Variants in ODAD2 observed in about 807,000 individuals in gnomAD.
The protein encoded by ODAD2 is outer dynein arm-docking complex subunit 2.
In ODAD2, 89 loss-of-function variants were observed where a neutral mutation model predicts 106.8. That is an observed-to-expected ratio of 0.83 (90% CI 0.70 to 0.99). The LOEUF (loss-of-function observed/expected upper bound fraction) is 0.99, where lower values mean the gene tolerates loss of function less well. ODAD2 is among the 50% of genes least tolerant of loss of function. The pLI is 0.00. For missense variants in ODAD2, 1,168 were observed against 1,238.5 expected (o/e 0.94, Z 0.85); for synonymous variants, 404 against 436.2 (o/e 0.93, Z 0.92).
intron 17 of ODAD2, among the ~76,000 whole-genome samples, chr10:27,888,216 T>C (rs1387214914): frequency 1.3e-5 from 2 of 152,138 alleles, no homozygotes; most frequent in Admixed American, 6.6e-5. Context: ...GTTCTATTTT[T>C]AGTTCTTTGA....
chr10:27,984,378 A>C (rs1254733633), intron 4 of ODAD2, 88 bp from the exon 5 acceptor site: 2 of 911,516 alleles, frequency 2.2e-6, no homozygotes, highest in East Asian at 4.9e-5. Flanking sequence ...CAGGAGAAAT[A>C]TCTTTTTTGT....
chr10:27,853,967 C>T (rs148005347), intron 19 of ODAD2, among the ~76,000 whole-genome samples: 21 of 152,118 alleles, frequency 1.4e-4, no homozygotes, highest in African/African-American at 3.9e-4. Context: ...TAGCTACAGA[C>T]GGGGAGAAAA....
At chr10:27,901,545 G>A (rs900553083) in intron 17 of ODAD2, among the ~76,000 whole-genome samples, 16 of 152,022 alleles carry the variant, frequency 1.1e-4, no homozygotes, top group East Asian at 5.8e-4. Context: ...AAGACCCACC[G>A]GTGTGCTGTA....
intron 19 of ODAD2, among the ~76,000 whole-genome samples, chr10:27,831,737 G>A (rs1012586053): frequency 6.6e-6 from 1 of 152,244 alleles, no homozygotes; most frequent in Non-Finnish European, 1.5e-5. Flanking sequence ...CTGAGGCATA[G>A]CTGGTCCTCT....
chr10:27,948,488 T>C (rs1273470843), intron 10 of ODAD2, among the ~76,000 whole-genome samples: 1 of 152,194 alleles, frequency 6.6e-6, no homozygotes. Flanking sequence ...CCAGATGCCA[T>C]AAATATCGAA....
intron 10 of ODAD2, among the ~76,000 whole-genome samples, chr10:27,959,235 A>G (rs1397526375): frequency 2.0e-3 from 100 of 51,228 alleles, no homozygotes; most frequent in Middle Eastern, 8.3e-3. Flanking sequence ...AGGGGAGGCG[A>G]GGAGGGGAGG....
At chr10:27,877,156 T>C (rs2133517755) in intron 17 of ODAD2, among the ~76,000 whole-genome samples, 1 of 152,350 alleles carries the variant, frequency 6.6e-6, no homozygotes, top group African/African-American at 2.4e-5. Flanking sequence ...TCTGATGGAA[T>C]ATAAATTGAT....
At chr10:27,921,149 A>G (rs1043218950) in intron 16 of ODAD2, among the ~76,000 whole-genome samples, 3 of 152,100 alleles carry the variant, frequency 2.0e-5, no homozygotes, top group Non-Finnish European at 4.4e-5. Context: ...CTTACAAAAT[A>G]TTAATAGAAA....
chr10:27,944,568 G>T, intron 11 of ODAD2, 137 bp from the exon 12 acceptor site: 1 of 845,672 alleles, frequency 1.2e-6, no homozygotes, highest in Non-Finnish European at 1.8e-6. Context: ...ACACACATCT[G>T]GCATATTCTC....
chr10:27,834,182 C>T (rs971021935), intron 19 of ODAD2, among the ~76,000 whole-genome samples: 2 of 152,188 alleles, frequency 1.3e-5, no homozygotes, highest in Admixed American at 6.5e-5. Context: ...CTGTTTTAAC[C>T]TAAAAACTCT....
At chr10:27,824,604 C>T (rs4749261) in intron 19 of ODAD2, among the ~76,000 whole-genome samples, 95,374 of 152,010 alleles carry the variant, frequency 0.63, 32,932 homozygotes, top group Non-Finnish European at 0.79. Context: ...ACTAAAACCC[C>T]ACAGGTAAGC....
intron 19 of ODAD2, among the ~76,000 whole-genome samples, chr10:27,841,234 C>T (rs985762672): frequency 6.6e-6 from 1 of 151,804 alleles, no homozygotes; most frequent in Non-Finnish European, 1.5e-5. Flanking sequence ...TGATTATTTC[C>T]CTCTTTGTGG....
Position 27,936,737 on chromosome 10 carries a change from C to A in ODAD2, c.2241G>T (p.Glu747Asp). The A allele has an allele frequency of 6.2e-7, 1 of 1,613,978 alleles. No individual in the cohort carries two copies. Among genetic ancestry groups the A allele is most frequent in the Non-Finnish European group, 8.5e-7 (1 of 1,179,912 alleles). ...GAGCCTTCTCTTACTTGGTAACATT[C>A]TCTTTGCTGATGGAACATTTCCATA... The part of the protein sequence containing the change: ...GAIWKCSISK[E>D]NVTKFREYKA... Residue 747 changes from glutamate (E) to aspartate (D), a missense_variant, in exon 15 of 20, where the codon GAG becomes GAT. By Grantham distance (45) the Glu-to-Asp change is conservative (BLOSUM62 2). Transcript: ENST00000305242.
chr10:27,960,678 G>A (rs11815104), intron 10 of ODAD2, among the ~76,000 whole-genome samples: 9,424 of 152,090 alleles, frequency 0.062, 946 homozygotes, highest in African/African-American at 0.21. Flanking sequence ...AATTGACAAA[G>A]AATAATTGTA....
At chr10:27,960,670 T>C (rs921386252) in intron 10 of ODAD2, among the ~76,000 whole-genome samples, 2 of 152,108 alleles carry the variant, frequency 1.3e-5, no homozygotes, top group African/African-American at 4.8e-5. Flanking sequence ...TTATTTTTAA[T>C]TGACAAAGAA....
At chr10:27,911,005 A>G (rs533742848) in intron 16 of ODAD2, among the ~76,000 whole-genome samples, 1 of 152,320 alleles carries the variant, frequency 6.6e-6, no homozygotes, top group African/African-American at 2.4e-5. Flanking sequence ...TTGTTGAATC[A>G]TGAATATTGG....
chr10:27,909,058 G>A (rs2133869149), intron 16 of ODAD2, among the ~76,000 whole-genome samples: 1 of 152,270 alleles, frequency 6.6e-6, no homozygotes, highest in East Asian at 1.9e-4. Context: ...ACTTCACAAT[G>A]AAGGATTTGC....
At chr10:27,947,261 T>C (rs7094709) in intron 10 of ODAD2, among the ~76,000 whole-genome samples, 6,613 of 152,192 alleles carry the variant, frequency 0.043, 480 homozygotes, top group African/African-American at 0.15. Context: ...AGTACTTCCA[T>C]TTCCTCTTTT....
chr10:27,932,816 A>G (rs1424257980), intron 16 of ODAD2, among the ~76,000 whole-genome samples: 3 of 152,186 alleles, frequency 2.0e-5, no homozygotes, highest in African/African-American at 7.2e-5. Context: ...AAATCATTTT[A>G]TTTGCTAACT....
Sources: gnomAD v4.1 joint callset for allele counts (sites outside exome capture counted in the v4.1 genomes callset) on GRCh38, gnomAD v4.1.1 for gene constraint, MANE v1.5 for transcripts, NCBI Gene and HGNC (gene_info 2026-07-23, HGNC 2026-07-21) for gene names.